Variants in SLAIN1 observed in about 807,000 individuals in gnomAD.
The protein encoded by SLAIN1 is SLAIN family member 1.
A neutral mutation model predicts 55.4 loss-of-function variants in SLAIN1; 17 were observed. The ratio of observed to expected loss-of-function variants is 0.31; its 90% CI spans 0.21 to 0.46. The LOEUF is 0.46. Ranked by LOEUF, SLAIN1 falls within the 20% of genes least tolerant of loss-of-function variation. The pLI is 1.00. For synonymous variants in SLAIN1, 348 were observed against 337.4 expected (o/e 1.03, Z -0.35); for missense variants, 682 against 785.1 (o/e 0.87, Z 1.57).
Position 77,763,221 on chromosome 13 carries a change from T to A in SLAIN1, c.*1T>A. The A allele has an allele frequency of 6.2e-7, 1 of 1,612,102 alleles. No individual in the cohort carries two copies. Among genetic ancestry groups the A allele is most frequent in the Non-Finnish European group, 8.5e-7 (1 of 1,178,142 alleles). ...AAATTGGAGAGATGGTTGCTACTAA[T>A]GCAGTTTTATGTACCCTTGAAAAAT... is the stretch of plus-strand genomic sequence containing the variant. On this transcript the variant is annotated 3_prime_UTR_variant, in exon 7 of 7. Transcript: ENST00000418532.
intron 2 of SLAIN1, among the ~76,000 whole-genome samples, chr13:77,733,376 A>G (rs190532765): frequency 6.6e-6 from 1 of 152,206 alleles, no homozygotes; most frequent in Non-Finnish European, 1.5e-5. Flanking sequence ...TATATAAATC[A>G]TGTTTTAAAA....
At chr13:77,722,019 T>C (rs1216995140) in intron 2 of SLAIN1, among the ~76,000 whole-genome samples, 1 of 150,348 alleles carries the variant, frequency 6.7e-6, no homozygotes, top group Non-Finnish European at 1.5e-5. Flanking sequence ...TTCTAAAAAG[T>C]AATCCTAATT....
chr13:77,705,402 A>G (rs1329598627), intron 1 of SLAIN1, among the ~76,000 whole-genome samples: 2 of 151,998 alleles, frequency 1.3e-5, no homozygotes, highest in Non-Finnish European at 2.9e-5. Flanking sequence ...TATATTTCAA[A>G]TATAATTTGA....
chr13:77,740,007 G>A (rs1873336221), intron 2 of SLAIN1, among the ~76,000 whole-genome samples: 1 of 151,994 alleles, frequency 6.6e-6, no homozygotes, highest in Non-Finnish European at 1.5e-5. Flanking sequence ...CATTCATTCA[G>A]TAGAAGATGA....
At chr13:77,761,136 C>A (rs369936147) in intron 6 of SLAIN1, 26 bp downstream of exon 6, 4 of 1,609,274 alleles carry the variant, frequency 2.5e-6, no homozygotes, top group African/African-American at 1.3e-5. Context: ...TGCGTAACTT[C>A]ATTTGCAGTT....
intron 1 of SLAIN1, among the ~76,000 whole-genome samples, chr13:77,708,095 C>T (rs1172895606): frequency 6.6e-6 from 1 of 152,184 alleles, no homozygotes; most frequent in Non-Finnish European, 1.5e-5. Flanking sequence ...AAAGAGAAAT[C>T]TCCATAAGTG....
At chr13:77,721,248 T>G (rs752185866) in intron 2 of SLAIN1, among the ~76,000 whole-genome samples, 1 of 152,310 alleles carries the variant, frequency 6.6e-6, no homozygotes. Flanking sequence ...CCTGCCACCA[T>G]GTAAGGATGT....
At chr13:77,707,227 A>T (rs2091099021) in intron 1 of SLAIN1, among the ~76,000 whole-genome samples, 1 of 150,574 alleles carries the variant, frequency 6.6e-6, no homozygotes, top group Non-Finnish European at 1.5e-5. Flanking sequence ...ATCTGTTTTT[A>T]TTTTGTTTTC....
intron 4 of SLAIN1, among the ~76,000 whole-genome samples, chr13:77,747,544 G>C (rs547372847): frequency 6.6e-6 from 1 of 152,236 alleles, no homozygotes; most frequent in Admixed American, 6.5e-5. Context: ...TCCTTACCTT[G>C]TCCACAGCCT....
chr13:77,709,046 C>T (rs151159096), intron 1 of SLAIN1, among the ~76,000 whole-genome samples: 1,793 of 151,906 alleles, frequency 0.012, 37 homozygotes, highest in African/African-American at 0.041. Flanking sequence ...CTAACTAGAA[C>T]AACCAGTTCA....
At chr13:77,747,925 A>G (rs938667647) in intron 4 of SLAIN1, among the ~76,000 whole-genome samples, 2 of 152,158 alleles carry the variant, frequency 1.3e-5, no homozygotes, top group Non-Finnish European at 2.9e-5. Context: ...GTGTTTTTGT[A>G]CTAATGATCA....
chr13:77,751,686 C>G (rs528374318), intron 4 of SLAIN1, among the ~76,000 whole-genome samples: 46 of 152,310 alleles, frequency 3.0e-4, no homozygotes, highest in African/African-American at 1.1e-3. Context: ...TATAAAGAGC[C>G]TGGGCCTTGA....
chr13:77,698,461 C>T lies in SLAIN1; in HGVS notation c.548C>T (p.Pro183Leu), dbSNP rs2154409050. Residue 183 changes from proline to leucine, a missense_variant, in exon 1 of 7, where the codon CCC becomes CTC. This residue lies in a region of SLAIN1 where 401 missense variants were observed against 417.3 expected (regional missense o/e 0.96). Coordinates refer to ENST00000418532, the MANE Select transcript of SLAIN1 (RefSeq NM_001242868.2). The surrounding 1 kb of genome is among the most constrained non-coding windows in gnomAD (Gnocchi z 4.1). Reference sequence around the variant, plus strand: ...GCAGCTGCAGCGCCGCCCTCGCCGCCCCCCACGCTGCTGGACGAGGTGGAA... The same window carrying T: ...GCAGCTGCAGCGCCGCCCTCGCCGCTCCCCACGCTGCTGGACGAGGTGGAA... ...PGAAAAPPSP[P>L]PTLLDEVELL... is the part of the protein sequence containing the mutation. The T allele has an allele frequency of 4.2e-6, 6 of 1,445,338 alleles. No homozygotes were observed. The South Asian group carries it at 8.2e-5, about 20-fold the overall frequency. The allele number at this position is 1,445,338 out of a possible 1,614,324, so 89.5% of individuals were successfully genotyped here. A position where few individuals can be genotyped will look rare whatever the true frequency, so the allele number is the denominator to read the frequency against.
intron 2 of SLAIN1, among the ~76,000 whole-genome samples, chr13:77,738,427 T>C (rs1873247520): frequency 6.6e-6 from 1 of 151,992 alleles, no homozygotes; most frequent in Non-Finnish European, 1.5e-5. Context: ...CCATGACTTA[T>C]TTAGAAAATA....
At chr13:77,736,650 A>T (rs1429720877) in intron 2 of SLAIN1, among the ~76,000 whole-genome samples, 1 of 151,992 alleles carries the variant, frequency 6.6e-6, no homozygotes, top group Non-Finnish European at 1.5e-5. Context: ...ATTTTTCCTT[A>T]TGTCTTCTGC....
At chr13:77,706,488 A>G (rs2091091742) in intron 1 of SLAIN1, among the ~76,000 whole-genome samples, 1 of 152,132 alleles carries the variant, frequency 6.6e-6, no homozygotes, top group Non-Finnish European at 1.5e-5. Flanking sequence ...CACATTTGGC[A>G]GTCTGTTAAA....
chr13:77,699,045 T>A, intron 1 of SLAIN1: 1 of 1,535,414 alleles, frequency 6.5e-7, no homozygotes, highest in Non-Finnish European at 8.7e-7. Flanking sequence ...GATGGATCTC[T>A]CTTTATAGAG....
At chr13:77,751,464 G>T (rs1874206359) in intron 4 of SLAIN1, among the ~76,000 whole-genome samples, 1 of 152,126 alleles carries the variant, frequency 6.6e-6, no homozygotes, top group South Asian at 2.1e-4. Flanking sequence ...ATGAGACTCT[G>T]GACTGTATCT....
In SLAIN1 at chr13:77,698,084, G is replaced by A. The variant is rs753553623; in HGVS notation, c.171G>A (p.Pro57=). The A allele has an allele frequency of 1.6e-6, 2 of 1,234,736 alleles. No homozygotes were observed. Among genetic ancestry groups the A allele is most frequent in the Non-Finnish European group, 2.0e-6 (2 of 980,016 alleles). 76.5% of individuals were successfully genotyped at this position (1,234,736 alleles called of 1,614,324 possible). ...GAGCGGCCAGCGCGGCCGCCGCCCC[G>A]CACCTGCTGCTGCTGCCGCCGCCGC... ...RSRAASAAAA[P]HLLLLPPPPP... The change falls in exon 1 of 7, where the codon CCG becomes CCA. Residue 57 remains proline, a synonymous_variant. Coordinates refer to ENST00000418532, the MANE Select transcript of SLAIN1 (RefSeq NM_001242868.2). This position sits in a 1 kb window ranked among gnomAD's most constrained non-coding sequence, Gnocchi z 4.1.
Sources: allele counts gnomAD v4.1 joint callset (sites outside exome capture counted in the v4.1 genomes callset), GRCh38; gene constraint gnomAD v4.1.1; regional missense constraint gnomAD v4.1.1; non-coding constraint Gnocchi (gnomAD v3.1); transcripts MANE v1.5; gene names NCBI Gene and HGNC (gene_info 2026-07-23, HGNC 2026-07-21).